CNTN5: variants seen among roughly 807,000 people sequenced by gnomAD.
CNTN5 encodes contactin 5, also known as contactin-5.
Under a neutral mutation model 129.1 loss-of-function variants are expected in CNTN5, and 77 were observed. The observed-to-expected ratio is 0.60, with a 90% confidence interval of 0.50 to 0.72. CNTN5 has a LOEUF of 0.72. CNTN5 is among the 30% of genes least tolerant of loss of function. The probability of loss-of-function intolerance (pLI) is 0.00; values close to 1 mark genes in which losing one functional copy is unlikely to be tolerated. For synonymous variants in CNTN5, 509 were observed against 465.6 expected (o/e 1.09, Z -1.20); for missense variants, 1,478 against 1,328.8 (o/e 1.11, Z -1.75).
rs192438042 is a variant in CNTN5 at position 100,255,770 on chromosome 11, C to T, written c.2016C>T (p.Gly672=). The change falls in exon 17 of 25, where the codon GGC becomes GGT. Residue 672 remains glycine (G), a synonymous_variant. Coordinates refer to ENST00000524871, the MANE Select transcript of CNTN5 (RefSeq NM_014361.4). Reference sequence around the variant, plus strand: ...GCCTTTGACCTATAGGACCCCCAGGCCCACCTGGGATAGTAATTGTTGAGG... The same window carrying T: ...GCCTTTGACCTATAGGACCCCCAGGTCCACCTGGGATAGTAATTGTTGAGG... ...EAELLVRGPP[G]PPGIVIVEEI... The T allele has an allele frequency of 5.0e-5, 81 of 1,613,502 alleles. No individual in the cohort carries two copies. Among genetic ancestry groups the T allele is most frequent in the Middle Eastern group, 1.7e-4 (1 of 6,058 alleles).
At chr11:99,972,605 C>T (rs1235637796) in intron 8 of CNTN5, among the ~76,000 whole-genome samples, 2 of 152,178 alleles carry the variant, frequency 1.3e-5, no homozygotes, top group Admixed American at 6.5e-5. Context: ...TGCAATGTCT[C>T]TTAGAGTGTT....
chr11:99,209,129 C>T (rs189175644), intron 1 of CNTN5, among the ~76,000 whole-genome samples: 17 of 151,666 alleles, frequency 1.1e-4, no homozygotes, highest in African/African-American at 3.1e-4. Context: ...TCAGTGCACA[C>T]AAAATATCAA....
intron 1 of CNTN5, among the ~76,000 whole-genome samples, chr11:99,268,431 AT>A (rs1863011022): frequency 6.6e-6 from 1 of 151,668 alleles, no homozygotes; most frequent in Non-Finnish European, 1.5e-5. Flanking sequence ...TAATTATAAT[AT>A]TAGATCATAT....
At chr11:99,067,988 T>C (rs1865173107) in intron 1 of CNTN5, among the ~76,000 whole-genome samples, 1 of 152,100 alleles carries the variant, frequency 6.6e-6, no homozygotes, top group African/African-American at 2.4e-5. Context: ...CTGATGGTTT[T>C]ATAAGGGTTT....
At chr11:100,280,777 C>T (rs570143682) in intron 18 of CNTN5, among the ~76,000 whole-genome samples, 1 of 152,116 alleles carries the variant, frequency 6.6e-6, no homozygotes, top group South Asian at 2.1e-4. Flanking sequence ...TTCTTCCTGC[C>T]TTCCTATTAG....
intron 7 of CNTN5, among the ~76,000 whole-genome samples, chr11:99,953,842 G>A (rs1053870429): frequency 6.6e-6 from 1 of 152,102 alleles, no homozygotes; most frequent in African/African-American, 2.4e-5. Flanking sequence ...AAAAATATGC[G>A]ATTGAAATTT....
intron 13 of CNTN5, among the ~76,000 whole-genome samples, chr11:100,120,696 A>G (rs770589453): frequency 1.2e-4 from 18 of 151,954 alleles, no homozygotes; most frequent in Non-Finnish European, 2.4e-4. Context: ...ATAAAATAAT[A>G]GGGTCAAAAG....
intron 16 of CNTN5, among the ~76,000 whole-genome samples, chr11:100,253,649 T>C (rs574215246): frequency 3.3e-5 from 5 of 152,280 alleles, no homozygotes; most frequent in African/African-American, 1.2e-4. Context: ...TCTACATTCC[T>C]GTCACCACAG....
chr11:99,733,562 A>G (rs1285699261), intron 3 of CNTN5, among the ~76,000 whole-genome samples: 1 of 152,018 alleles, frequency 6.6e-6, no homozygotes, highest in East Asian at 1.9e-4. Context: ...TGTCTCCACA[A>G]TTGCTTTTCT....
chr11:99,628,476 A>G (rs1322535872), intron 3 of CNTN5, among the ~76,000 whole-genome samples: 1 of 152,018 alleles, frequency 6.6e-6, no homozygotes, highest in African/African-American at 2.4e-5. Flanking sequence ...ATGCTTTGTA[A>G]AACTGGTCTC....
intron 6 of CNTN5, among the ~76,000 whole-genome samples, chr11:99,849,914 G>T (rs79862883): frequency 0.013 from 2,013 of 152,062 alleles, 47 homozygotes; most frequent in African/African-American, 0.045. Context: ...GACTTCAGAA[G>T]TTCTTTTTCT....
intron 9 of CNTN5, among the ~76,000 whole-genome samples, chr11:100,034,128 T>A (rs1470323083): frequency 6.6e-6 from 1 of 152,222 alleles, no homozygotes; most frequent in Non-Finnish European, 1.5e-5. Flanking sequence ...ATCACATTTC[T>A]CAAATCTCAG....
chr11:100,130,625 TACCCACAGGA>T (rs1176555180), intron 13 of CNTN5, among the ~76,000 whole-genome samples: 1 of 152,042 alleles, frequency 6.6e-6, no homozygotes, highest in African/African-American at 2.4e-5. Flanking sequence ...TGTGCTTGAG[TACCCACAGGA>T]TGCCATGGGT....
intron 1 of CNTN5, among the ~76,000 whole-genome samples, chr11:99,296,460 A>G (rs1457853623): frequency 6.6e-6 from 1 of 152,228 alleles, no homozygotes; most frequent in African/African-American, 2.4e-5. Flanking sequence ...ACACTGTAGC[A>G]TAATAATCTA....
At chr11:99,784,950 C>A (rs576407163) in intron 3 of CNTN5, among the ~76,000 whole-genome samples, 1 of 151,840 alleles carries the variant, frequency 6.6e-6, no homozygotes, top group African/African-American at 2.4e-5. Context: ...CAGGTGCCTA[C>A]CATCACACCT....
At chr11:100,237,188 C>CAAAAAAAAA (rs397977189) in intron 16 of CNTN5, among the ~76,000 whole-genome samples, 15 of 71,000 alleles carry the variant, frequency 2.1e-4, no homozygotes, top group Non-Finnish European at 3.4e-4. Flanking sequence ...GACTCCGTCT[C>CAAAAAAAAA]AAAAAAAAAA....
intron 13 of CNTN5, among the ~76,000 whole-genome samples, chr11:100,156,678 G>A (rs952013741): frequency 3.3e-5 from 5 of 151,936 alleles, no homozygotes; most frequent in African/African-American, 9.7e-5. Context: ...ACTTGTTATC[G>A]GTCTATTCAG....
At chr11:99,589,387 T>G (rs1351865285) in intron 3 of CNTN5, among the ~76,000 whole-genome samples, 2 of 152,242 alleles carry the variant, frequency 1.3e-5, no homozygotes, top group African/African-American at 4.8e-5. Context: ...CTACCCTGAT[T>G]ATTCAGTATT....
At chr11:100,309,425 T>G (rs560965900) in intron 21 of CNTN5, 2 of 968,328 alleles carry the variant, frequency 2.1e-6, no homozygotes, top group African/African-American at 3.5e-5. Flanking sequence ...ATAAAAAAAT[T>G]TATACAATCT....
Sources: allele counts gnomAD v4.1 joint callset (sites outside exome capture counted in the v4.1 genomes callset), GRCh38; gene constraint gnomAD v4.1.1; transcripts MANE v1.5; gene names NCBI Gene and HGNC (gene_info 2026-07-23, HGNC 2026-07-21).